The following COMMD10 variants were observed in gnomAD, a reference collection of about 807,000 sequenced individuals.
The protein encoded by COMMD10 is COMM domain-containing protein 10.
In COMMD10, 33 loss-of-function variants were observed where a neutral mutation model predicts 28.9. The ratio of observed to expected loss-of-function variants is 1.14; its 90% CI spans 0.87 to 1.53. The LOEUF (loss-of-function observed/expected upper bound fraction) is 1.53. COMMD10 is among the 40% of genes most tolerant of loss of function. The pLI, the probability that COMMD10 is intolerant of heterozygous loss-of-function variation, is 0.00. For missense variants in COMMD10, 310 were observed against 233.4 expected, an observed-to-expected ratio of 1.33 and a Z score of -2.14; for synonymous variants, 110 against 81.7, an observed-to-expected ratio of 1.35 and a Z score of -1.87.
chr5:116,134,636 T>A (rs551160383), intron 5 of COMMD10, among the ~76,000 whole-genome samples: 1 of 152,326 alleles, frequency 6.6e-6, no homozygotes, highest in East Asian at 1.9e-4. Flanking sequence ...TTATTTATTT[T>A]TTTTGAGACG....
chr5:116,204,544 A>G (rs745574676), intron 5 of COMMD10, among the ~76,000 whole-genome samples: 3 of 152,140 alleles, frequency 2.0e-5, no homozygotes, highest in Non-Finnish European at 4.4e-5. Flanking sequence ...ATCTAATAGT[A>G]TAATCTTTTT....
intron 5 of COMMD10, among the ~76,000 whole-genome samples, chr5:116,193,578 G>A (rs778341397): frequency 2.0e-5 from 3 of 152,014 alleles, no homozygotes; most frequent in Non-Finnish European, 2.9e-5. Context: ...AAACAAAGAG[G>A]GACATTATGT....
At chr5:116,097,983 A>G (rs1043523515) in intron 4 of COMMD10, among the ~76,000 whole-genome samples, 29 of 152,318 alleles carry the variant, frequency 1.9e-4, no homozygotes, top group African/African-American at 6.0e-4. Context: ...TTACAATTGC[A>G]CATGAGATTT....
At chr5:116,189,201 T>G (rs1748259591) in intron 5 of COMMD10, among the ~76,000 whole-genome samples, 1 of 152,132 alleles carries the variant, frequency 6.6e-6, no homozygotes, top group Non-Finnish European at 1.5e-5. Flanking sequence ...ATCAACTAGT[T>G]GGAAATCGCT....
chr5:116,134,925 AT>A (rs148751545), intron 5 of COMMD10, among the ~76,000 whole-genome samples: 8,039 of 151,984 alleles, frequency 0.053, 293 homozygotes, highest in East Asian at 0.14. Flanking sequence ...CCGGCCTACA[AT>A]TTTTTTTATA....
At chr5:116,275,226 T>C (rs768490513) in intron 5 of COMMD10, among the ~76,000 whole-genome samples, 3 of 151,850 alleles carry the variant, frequency 2.0e-5, no homozygotes, top group Non-Finnish European at 4.4e-5. Context: ...CTTAAATCTG[T>C]ATGTGTTATA....
chr5:116,098,486 A>T (rs1009207737), intron 4 of COMMD10, among the ~76,000 whole-genome samples: 12 of 152,228 alleles, frequency 7.9e-5, no homozygotes, highest in Non-Finnish European at 2.9e-5. Flanking sequence ...AAATTCCAAA[A>T]AGTGAAACTT....
At chr5:116,229,764 T>G (rs879516774) in intron 5 of COMMD10, among the ~76,000 whole-genome samples, 6 of 152,020 alleles carry the variant, frequency 3.9e-5, no homozygotes, top group African/African-American at 9.7e-5. Context: ...AGATATATCT[T>G]TATAATGTTT....
At chr5:116,260,055 C>A (rs1361975248) in intron 5 of COMMD10, among the ~76,000 whole-genome samples, 1 of 151,638 alleles carries the variant, frequency 6.6e-6, no homozygotes, top group East Asian at 1.9e-4. Flanking sequence ...ATCATTCTTT[C>A]TTCTTTTTAG....
At chr5:116,231,076 C>T (rs1186410981) in intron 5 of COMMD10, among the ~76,000 whole-genome samples, 1 of 152,114 alleles carries the variant, frequency 6.6e-6, no homozygotes, top group Admixed American at 6.5e-5. Context: ...CAGTTTACTG[C>T]CTATCACTCC....
At chr5:116,180,586 A>G (rs1436642484) in intron 5 of COMMD10, among the ~76,000 whole-genome samples, 2 of 152,080 alleles carry the variant, frequency 1.3e-5, no homozygotes, top group Non-Finnish European at 2.9e-5. Context: ...AGTTCATTCT[A>G]AATGTTTAAG....
intron 5 of COMMD10, among the ~76,000 whole-genome samples, chr5:116,156,179 A>G (rs530177361): frequency 2.7e-4 from 41 of 152,248 alleles, no homozygotes; most frequent in African/African-American, 9.6e-4. Context: ...ACTCTGTATT[A>G]TATTTTTGAC....
rs891430743 is a variant in COMMD10 at position 116,272,293 on chromosome 5, A to T, written c.511-19224A>T. Among the ~76,000 whole-genome samples the T allele has an allele frequency of 7.9e-5, 12 of 151,852 alleles. 1 individual carries two copies. Among genetic ancestry groups the T allele is most frequent in the African/African-American group, 2.9e-4 (12 of 41,188 alleles). ...GGAAATAAAAAGTCAGAGGAGGCAA[A>T]TCAGGTTTGTAAGGGGGATGCTTAA... On this transcript the variant is annotated intron_variant, in intron 5 of 6. Coordinates refer to ENST00000274458, the MANE Select transcript of COMMD10 (RefSeq NM_016144.4).
At chr5:116,178,774 A>G (rs764879733) in intron 5 of COMMD10, among the ~76,000 whole-genome samples, 13 of 152,124 alleles carry the variant, frequency 8.5e-5, no homozygotes, top group African/African-American at 1.4e-4. Context: ...AGGTTTTAGC[A>G]CAAAAGTTAA....
intron 5 of COMMD10, among the ~76,000 whole-genome samples, chr5:116,176,657 T>G (rs75465362): frequency 0.028 from 4,296 of 152,242 alleles, 105 homozygotes; most frequent in East Asian, 0.14. Flanking sequence ...TCCTATAAGG[T>G]TGTACTCTTA....
rs1291554839 is a variant in COMMD10 at position 116,259,802 on chromosome 5, T to C, written c.511-31715T>C. Among the ~76,000 whole-genome samples the C allele has an allele frequency of 2.0e-5, 3 of 151,762 alleles. No individual in the cohort carries two copies. The East Asian group carries it at 5.8e-4, about 29-fold the overall frequency. ...TGGCTGCTACCTTGTTCTGTTTCTCTAATCTGGGACTCTCCATAGTCAGAA... is the reference window on the plus strand; with the variant it reads ...TGGCTGCTACCTTGTTCTGTTTCTCCAATCTGGGACTCTCCATAGTCAGAA... On this transcript the variant is annotated intron_variant, in intron 5 of 6. Coordinates refer to ENST00000274458, the MANE Select transcript of COMMD10 (RefSeq NM_016144.4).
chr5:116,116,219 C>G (rs1271716298), intron 4 of COMMD10, among the ~76,000 whole-genome samples: 1 of 152,000 alleles, frequency 6.6e-6, no homozygotes, highest in East Asian at 1.9e-4. Context: ...TTATTGTTAA[C>G]AACTAGTTGT....
intron 5 of COMMD10, among the ~76,000 whole-genome samples, chr5:116,258,212 A>C (rs976871039): frequency 3.3e-5 from 5 of 151,700 alleles, no homozygotes; most frequent in Non-Finnish European, 7.4e-5. Flanking sequence ...TCTCTTACCG[A>C]ATTTCAATAC....
intron 5 of COMMD10, among the ~76,000 whole-genome samples, chr5:116,218,989 C>T (rs190380447): frequency 1.3e-5 from 2 of 152,220 alleles, no homozygotes; most frequent in Admixed American, 1.3e-4. Flanking sequence ...TAAATGAGAT[C>T]ATAAGGATAG....
Sources: allele counts gnomAD v4.1 joint callset (sites outside exome capture counted in the v4.1 genomes callset), GRCh38; gene constraint gnomAD v4.1.1; transcripts MANE v1.5; gene names NCBI Gene and HGNC (gene_info 2026-07-23, HGNC 2026-07-21).